Variants in ZNF362 observed in about 807,000 individuals in gnomAD.
ZNF362 encodes rotund homolog.
In ZNF362, 11 loss-of-function variants were observed where a neutral mutation model predicts 42.9. The observed-to-expected ratio is 0.26, with a 90% CI of 0.16 to 0.42. ZNF362 has a LOEUF of 0.42. Among genes scored for constraint, ZNF362 ranks in the 20% least tolerant of loss-of-function variants. ZNF362 has a pLI of 1.00. For synonymous variants in ZNF362, 255 were observed against 257.3 expected (o/e 0.99, Z 0.09); for missense variants, 362 against 576.2 (o/e 0.63, Z 3.81).
the ZNF362 span, chr1:33,194,734 C>G: frequency 6.6e-6 from 1 of 151,646 alleles, no homozygotes; most frequent in African/African-American, 2.4e-5. Context: ...CATGGTGTTG[C>G]TATGAGGATT....
chr1:33,131,424 T>C, the ZNF362 span, among the ~76,000 whole-genome samples: 1 of 152,208 alleles, frequency 6.6e-6, no homozygotes, highest in Non-Finnish European at 1.5e-5. Flanking sequence ...CTGTCTGTTA[T>C]GTTAGCCACC....
rs184030799 is a variant in ZNF362, at chr1:33,276,096, G to A, written c.39-4G>A. The A allele has an allele frequency of 9.5e-5, 154 of 1,613,846 alleles. 1 individual carries two copies. Among genetic ancestry groups the A allele is most frequent in the Admixed American group, 4.3e-4 (26 of 59,996 alleles). On this transcript the variant is annotated splice_polypyrimidine_tract_variant and splice_region_variant and intron_variant, in intron 2 of 8. Transcript: ENST00000539719. ...TCCCGGTGACAGTCGCTCTCTTCCCGCAGGATGGCCGAGCCTCGATTTAAC... is the reference window on the plus strand; with the variant it reads ...TCCCGGTGACAGTCGCTCTCTTCCCACAGGATGGCCGAGCCTCGATTTAAC...
At chr1:33,295,563 G>A (rs1369845110) in intron 8 of ZNF362, among the ~76,000 whole-genome samples, 1 of 152,168 alleles carries the variant, frequency 6.6e-6, no homozygotes, top group Admixed American at 6.5e-5. Flanking sequence ...AGGCCCTGGA[G>A]TACTCACAGC....
chr1:33,233,801 CAG>C, the ZNF362 span, among the ~76,000 whole-genome samples: 2 of 152,130 alleles, frequency 1.3e-5, no homozygotes, highest in Non-Finnish European at 2.9e-5. Flanking sequence ...TGCCGTGGTC[CAG>C]AGAGTGAACT....
At chr1:33,159,038 T>C in the ZNF362 span, among the ~76,000 whole-genome samples, 2 of 150,830 alleles carry the variant, frequency 1.3e-5, no homozygotes, top group African/African-American at 4.9e-5. The surrounding 1 kb of genome is among the most constrained non-coding windows in gnomAD (Gnocchi z 4.2). Context: ...AGAGACGGGG[T>C]TTCACCATGT....
chr1:33,223,888 C>A, the ZNF362 span, among the ~76,000 whole-genome samples: 2 of 134,286 alleles, frequency 1.5e-5, no homozygotes, highest in African/African-American at 2.7e-5. Flanking sequence ...AGTGAAACTC[C>A]ATCTCAAAAA....
chr1:33,249,496 C>A, the ZNF362 span, among the ~76,000 whole-genome samples: 181 of 152,288 alleles, frequency 1.2e-3, 2 homozygotes, highest in East Asian at 0.028. Flanking sequence ...CTCTGCTTAA[C>A]AGGGCCAAAT....
rs373312591 is a variant in ZNF362, at chr1:33,281,562, C to A, written c.684-25C>A. On this transcript the variant is annotated intron_variant, in intron 5 of 8. Coordinates refer to ENST00000539719, the MANE Select transcript of ZNF362 (RefSeq NM_152493.3). The surrounding 1 kb of genome is among the most constrained non-coding windows in gnomAD (Gnocchi z 4.8). ...ATGGACAGTCTGGGGGATCTTCCCA[C>A]GTGAACCTGTCTCTTGCTCCGCAGG... 1.3e-5 allele frequency: 21 copies of A among 1,611,622 alleles called. No homozygotes were observed. In the South Asian group the frequency reaches 2.0e-4, roughly 15 times the overall value.
chr1:33,190,993 C>G, the ZNF362 span, among the ~76,000 whole-genome samples: 28 of 152,202 alleles, frequency 1.8e-4, no homozygotes, highest in Non-Finnish European at 3.1e-4. Context: ...GCACCAGTTT[C>G]CAACACTTTG....
chr1:33,261,293 GC>G (rs1467198586), intron 1 of ZNF362: 1 of 152,158 alleles, frequency 6.6e-6, no homozygotes, highest in Non-Finnish European at 1.5e-5. Flanking sequence ...CTAGCTTCCT[GC>G]TGTCAGAAAG....
Position 33,280,251 on chromosome 1 carries a change from G to C in ZNF362, c.477G>C (p.Ser159=). The change falls in exon 5 of 9, where the codon TCG becomes TCC. Residue 159 remains serine (S), a synonymous_variant. Transcript: ENST00000539719. This position sits in a 1 kb window ranked among gnomAD's most constrained non-coding sequence, Gnocchi z 5.6. ...CCAGCCAGAGCCGCCTCATCGCCTC[G>C]TCCCCCACCCTCATCTCAGGGATCA... is the stretch of plus-strand genomic sequence containing the variant. ...TTTSQSRLIA[S]SPTLISGITS... The C allele has an allele frequency of 6.2e-7, 1 of 1,613,922 alleles. No individual in the cohort carries two copies. The highest frequency in any genetic ancestry group is 8.5e-7 in the Non-Finnish European group (1 of 1,179,886).
chr1:33,268,730 G>C (rs887552104), intron 1 of ZNF362, among the ~76,000 whole-genome samples: 1 of 152,232 alleles, frequency 6.6e-6, no homozygotes, highest in African/African-American at 2.4e-5. Flanking sequence ...GGAACTGTGA[G>C]ATGTTCAGTC....
chr1:33,272,322 G>C (rs572377142), intron 2 of ZNF362, among the ~76,000 whole-genome samples: 2 of 152,184 alleles, frequency 1.3e-5, no homozygotes, highest in South Asian at 2.1e-4. Context: ...CTTGGGGCTC[G>C]GGGAGGGCAG....
the ZNF362 span, among the ~76,000 whole-genome samples, chr1:33,149,122 C>G: frequency 1.3e-5 from 2 of 152,188 alleles, no homozygotes; most frequent in Non-Finnish European, 2.9e-5. Context: ...TGTGCTCGTT[C>G]TGTCCTCTGA....
At chr1:33,223,588 GCCATC>G in the ZNF362 span, among the ~76,000 whole-genome samples, 4 of 152,238 alleles carry the variant, frequency 2.6e-5, no homozygotes, top group East Asian at 7.7e-4. Flanking sequence ...AAGTAGATTA[GCCATC>G]ATAAAGACTG....
At chr1:33,236,550 A>AAAAAAAAAATATATATATATAT in the ZNF362 span, among the ~76,000 whole-genome samples, 12 of 5,974 alleles carry the variant, frequency 2.0e-3, 1 homozygote, top group African/African-American at 2.7e-3. Flanking sequence ...AAAAAAAAAA[A>AAAAAAAAAATATATATATATAT]ATATATATAT....
rs546956880 is a variant in ZNF362, at chr1:33,259,609, G to C, written c.-89+2955G>C. On this transcript the variant is annotated intron_variant, in intron 1 of 8. Transcript: ENST00000539719. ...ATTAGTTTATTGGTTAGTCATCTCA[G>C]TAATCTACCCATCTGTCCTTCTATG... Among the ~76,000 whole-genome samples, 8 of 152,240 alleles carry C rather than the reference G, an allele frequency of 5.3e-5. No homozygotes were observed. In the South Asian group the frequency reaches 1.5e-3, roughly 28 times the overall value.
the ZNF362 span, among the ~76,000 whole-genome samples, chr1:33,235,512 G>T: frequency 2.6e-5 from 4 of 151,194 alleles, no homozygotes; most frequent in African/African-American, 9.7e-5. Context: ...TCTGTGCCTT[G>T]TTAAAGAAAA....
At chr1:33,162,196 C>T in the ZNF362 span, among the ~76,000 whole-genome samples, 7 of 152,290 alleles carry the variant, frequency 4.6e-5, no homozygotes, top group East Asian at 3.9e-4. Flanking sequence ...CTCCTTGACA[C>T]ATAGTAAAAT....
Sources: gnomAD v4.1 joint callset for allele counts (sites outside exome capture counted in the v4.1 genomes callset) on GRCh38, gnomAD v4.1.1 for gene constraint, Gnocchi (gnomAD v3.1) non-coding constraint, MANE v1.5 for transcripts, NCBI Gene and HGNC (gene_info 2026-07-23, HGNC 2026-07-21) for gene names.